CNST: variants seen among roughly 807,000 people sequenced by gnomAD.
The protein encoded by CNST is consortin.
Under a neutral mutation model 72.4 loss-of-function variants are expected in CNST, and 39 were observed. The observed-to-expected ratio is 0.54, with a 90% CI of 0.42 to 0.70. The LOEUF (loss-of-function observed/expected upper bound fraction) is 0.70. CNST is among the 30% of genes least tolerant of loss of function. The pLI is 0.00. For missense variants in CNST, 871 were observed against 868.5 expected (o/e 1.00, Z -0.04); for synonymous variants, 332 against 320.1 (o/e 1.04, Z -0.40).
chr1:246,604,170 C>T (rs746949824), intron 2 of CNST, among the ~76,000 whole-genome samples: 1 of 152,028 alleles, frequency 6.6e-6, no homozygotes. Context: ...AGGAGAATTG[C>T]TTGAACCCGG....
chr1:246,658,372 C>T (rs1415312668), intron 9 of CNST, among the ~76,000 whole-genome samples: 1 of 152,096 alleles, frequency 6.6e-6, no homozygotes, highest in Non-Finnish European at 1.5e-5. Context: ...TTGTACTTTA[C>T]CATTTCAAGG....
chr1:246,571,210 G>A (rs562753727), intron 1 of CNST, among the ~76,000 whole-genome samples: 7 of 152,264 alleles, frequency 4.6e-5, no homozygotes, highest in Non-Finnish European at 7.4e-5. Flanking sequence ...GCAGTGGTAC[G>A]AGATCTCAGC....
At chr1:246,634,719 A>C (rs1473090413) in intron 6 of CNST, 132 bp downstream of exon 6, 2 of 626,802 alleles carry the variant, frequency 3.2e-6, no homozygotes, top group East Asian at 5.7e-5. Flanking sequence ...TAATTATTGC[A>C]AGGCTCTAGT....
At chr1:246,603,802 G>A (rs1242219284) in intron 2 of CNST, among the ~76,000 whole-genome samples, 1 of 152,192 alleles carries the variant, frequency 6.6e-6, no homozygotes, top group South Asian at 2.1e-4. Flanking sequence ...GACAGCTAAA[G>A]GATGTGGGAT....
intron 2 of CNST, among the ~76,000 whole-genome samples, chr1:246,599,424 G>A (rs535265970): frequency 2.6e-5 from 4 of 152,264 alleles, no homozygotes; most frequent in African/African-American, 9.6e-5. Context: ...GGATTCTAGA[G>A]GCTTCCCACA....
intron 1 of CNST, among the ~76,000 whole-genome samples, chr1:246,582,321 A>C (rs547694718): frequency 6.7e-6 from 1 of 148,884 alleles, no homozygotes; most frequent in South Asian, 2.1e-4. Context: ...TTCCACATCT[A>C]CTCAGTCCTG....
intron 3 of CNST, among the ~76,000 whole-genome samples, chr1:246,623,145 A>G (rs3129546): frequency 0.44 from 66,715 of 152,124 alleles, 16,319 homozygotes; most frequent in Non-Finnish European, 0.54. Flanking sequence ...TTTACATAAA[A>G]TGAAATTAAC....
At chr1:246,649,782 A>G (rs868339257) in intron 9 of CNST, among the ~76,000 whole-genome samples, 6 of 150,420 alleles carry the variant, frequency 4.0e-5, no homozygotes, top group Admixed American at 2.0e-4. Flanking sequence ...TGGAATTTCA[A>G]TTTTTGCTTC....
intron 2 of CNST, among the ~76,000 whole-genome samples, chr1:246,602,021 A>T (rs1470058497): frequency 2.0e-5 from 3 of 152,136 alleles, no homozygotes; most frequent in African/African-American, 4.8e-5. Context: ...AGTTGGGAGT[A>T]ACACACCACC....
At chr1:246,614,706 G>A (rs1361644037) in intron 2 of CNST, among the ~76,000 whole-genome samples, 4 of 152,000 alleles carry the variant, frequency 2.6e-5, no homozygotes, top group East Asian at 1.9e-4. Flanking sequence ...TCTTGACCTC[G>A]TGATCTGCCC....
At chr1:246,589,750 G>A (rs1293539903) in intron 1 of CNST, among the ~76,000 whole-genome samples, 11 of 152,244 alleles carry the variant, frequency 7.2e-5, no homozygotes, top group South Asian at 4.1e-4. Context: ...AAGTGTCCCT[G>A]TTTCTCCACA....
intron 2 of CNST, among the ~76,000 whole-genome samples, chr1:246,621,148 C>T (rs777083604): frequency 6.6e-6 from 1 of 152,190 alleles, no homozygotes; most frequent in Non-Finnish European, 1.5e-5. Context: ...GTTTGTGTTA[C>T]TTCTTTTTAT....
intron 2 of CNST, chr1:246,607,754 C>T (rs908791237): frequency 6.6e-6 from 1 of 152,310 alleles, no homozygotes; most frequent in Admixed American, 6.5e-5. Context: ...TGCTTTGGGA[C>T]TGGGCCTGAG....
At chr1:246,606,717 C>T (rs1000859415) in intron 2 of CNST, 4 of 151,870 alleles carry the variant, frequency 2.6e-5, no homozygotes, top group Middle Eastern at 3.4e-3. Flanking sequence ...CGTCCTCTCA[C>T]GGTCTTTGGC....
At chr1:246,598,514 AC>A (rs1287820014) in intron 2 of CNST, among the ~76,000 whole-genome samples, 2 of 152,162 alleles carry the variant, frequency 1.3e-5, no homozygotes, top group African/African-American at 4.8e-5. Flanking sequence ...GTCAGATGCA[AC>A]CTGCTTTTTG....
chr1:246,621,256 A>C (rs183272472), intron 2 of CNST, among the ~76,000 whole-genome samples, 173 bp from the exon 3 acceptor site: 102 of 152,304 alleles, frequency 6.7e-4, no homozygotes, highest in African/African-American at 2.2e-3. Context: ...ACAGAGTTTA[A>C]TCAGAAAGAC....
At chr1:246,580,589 C>T (rs971651860) in intron 1 of CNST, among the ~76,000 whole-genome samples, 1 of 152,180 alleles carries the variant, frequency 6.6e-6, no homozygotes, top group African/African-American at 2.4e-5. Flanking sequence ...TTGTTCATAG[C>T]AGACCTTCAA....
In CNST at chr1:246,585,558, A is replaced by G. The variant is rs547140479; in HGVS notation, c.-51-5954A>G. Among the ~76,000 whole-genome samples, 511 of 151,226 alleles carry G rather than the reference A, an allele frequency of 3.4e-3. 3 individuals carry two copies. The highest frequency in any genetic ancestry group is 4.5e-3 in the Non-Finnish European group (302 of 67,788). The stretch of plus-strand genomic sequence containing the variant: ...GCTACTCAGGTGGCTGAGGCGGCAG[A>G]ATCACTTGAATCGGGAGGCAGAGGT... On this transcript the variant is annotated intron_variant, in intron 1 of 10. Transcript: ENST00000366513.
intron 1 of CNST, among the ~76,000 whole-genome samples, chr1:246,574,930 T>C (rs1020846047): frequency 3.3e-5 from 5 of 151,912 alleles, no homozygotes; most frequent in Non-Finnish European, 7.4e-5. Flanking sequence ...AGGAAAGTCA[T>C]AGTGAGTCAA....
Sources: allele counts gnomAD v4.1 joint callset (sites outside exome capture counted in the v4.1 genomes callset), GRCh38; gene constraint gnomAD v4.1.1; transcripts MANE v1.5; gene names NCBI Gene and HGNC (gene_info 2026-07-23, HGNC 2026-07-21).